Variants in CDH4 observed in about 807,000 individuals in gnomAD.
CDH4 encodes cadherin 4.
In CDH4, 33 loss-of-function variants were observed where a neutral mutation model predicts 86.0. The ratio of observed to expected loss-of-function variants is 0.38; its 90% confidence interval spans 0.29 to 0.51. The LOEUF is 0.51. Ranked by LOEUF, CDH4 falls within the 20% of genes least tolerant of loss-of-function variation. CDH4 has a pLI of 0.86. For missense variants in CDH4, 1,114 were observed against 1,307.4 expected, an observed-to-expected ratio of 0.85 and a Z score of 2.28; for synonymous variants, 555 against 549.4, an observed-to-expected ratio of 1.01 and a Z score of -0.14.
chr20:61,722,760 T>C (rs2088057554), intron 2 of CDH4, among the ~76,000 whole-genome samples: 2 of 151,962 alleles, frequency 1.3e-5, no homozygotes, highest in Admixed American at 1.3e-4. Context: ...AGATACACCC[T>C]GAATTTCCAA....
At chr20:61,823,399 G>A (rs1981156776) in intron 4 of CDH4, among the ~76,000 whole-genome samples, 1 of 151,012 alleles carries the variant, frequency 6.6e-6, no homozygotes, top group Non-Finnish European at 1.5e-5. Flanking sequence ...GAATAATAAT[G>A]TGATGATGAT....
At chr20:61,605,563 C>T (rs1600801133) in intron 2 of CDH4, among the ~76,000 whole-genome samples, 1 of 151,674 alleles carries the variant, frequency 6.6e-6, no homozygotes, top group Non-Finnish European at 1.5e-5. Context: ...CCCTGTTTCT[C>T]CCTCTCTCTG....
chr20:61,605,239 G>A (rs1368550249), intron 2 of CDH4, among the ~76,000 whole-genome samples: 1 of 152,152 alleles, frequency 6.6e-6, no homozygotes, highest in African/African-American at 2.4e-5. Flanking sequence ...TGCCCTCGGG[G>A]TGCAGGGGTG....
chr20:61,671,985 A>T (rs1335491242), intron 2 of CDH4, among the ~76,000 whole-genome samples: 2 of 144,158 alleles, frequency 1.4e-5, no homozygotes, highest in East Asian at 4.9e-4. Context: ...AGATAGATGG[A>T]TGAATAGATG....
chr20:61,462,292 T>C (rs1479721047), intron 2 of CDH4, among the ~76,000 whole-genome samples: 1 of 152,230 alleles, frequency 6.6e-6, no homozygotes, highest in Non-Finnish European at 1.5e-5. Flanking sequence ...ATTTCAGTGG[T>C]ACAAACCCAA....
chr20:61,792,910 A>G (rs1163666856), intron 4 of CDH4, among the ~76,000 whole-genome samples: 1 of 152,082 alleles, frequency 6.6e-6, no homozygotes, highest in African/African-American at 2.4e-5. Context: ...CGGCCTCCCA[A>G]AGTGCTGGGA....
chr20:61,747,610 T>G (rs1360007982), intron 3 of CDH4, among the ~76,000 whole-genome samples: 1 of 152,172 alleles, frequency 6.6e-6, no homozygotes, highest in African/African-American at 2.4e-5. Flanking sequence ...AGTTTGGAAT[T>G]GAAAACTAAA....
intron 2 of CDH4, among the ~76,000 whole-genome samples, chr20:61,441,181 G>A (rs1194955286): frequency 1.3e-5 from 2 of 152,146 alleles, no homozygotes; most frequent in African/African-American, 2.4e-5. Flanking sequence ...GTCCAACACC[G>A]GCCCTGCTGT....
intron 2 of CDH4, among the ~76,000 whole-genome samples, chr20:61,457,945 A>C (rs370598490): frequency 0.026 from 3,374 of 128,154 alleles, 177 homozygotes; most frequent in African/African-American, 0.095. Context: ...CTGTGGTGGT[A>C]ATAGTGGTGA....
chr20:61,565,306 C>G (rs1423803974), intron 2 of CDH4, among the ~76,000 whole-genome samples: 3 of 39,796 alleles, frequency 7.5e-5, no homozygotes, highest in Admixed American at 2.0e-4. Context: ...TGGCGGTGCT[C>G]TTGGTGGTGG....
intron 8 of CDH4, among the ~76,000 whole-genome samples, chr20:61,896,138 G>A (rs979820784): frequency 2.0e-5 from 3 of 152,202 alleles, no homozygotes; most frequent in South Asian, 2.1e-4. Flanking sequence ...GGTGCCCCTC[G>A]GGCACCAGGG....
At chr20:61,588,044 A>T (rs2086491294) in intron 2 of CDH4, among the ~76,000 whole-genome samples, 1 of 152,228 alleles carries the variant, frequency 6.6e-6, no homozygotes, top group South Asian at 2.1e-4. Context: ...GTCCTGGTGC[A>T]GCTGTGCAGA....
intron 2 of CDH4, among the ~76,000 whole-genome samples, chr20:61,308,776 G>A (rs1326894335): frequency 6.6e-6 from 1 of 152,234 alleles, no homozygotes; most frequent in Non-Finnish European, 1.5e-5. Flanking sequence ...AGGCTGAGCA[G>A]GAAGATTTCT....
chr20:61,547,264 G>C (rs927386738), intron 2 of CDH4, among the ~76,000 whole-genome samples: 2 of 137,942 alleles, frequency 1.4e-5, no homozygotes, highest in African/African-American at 5.4e-5. Flanking sequence ...CCAGGCTGGA[G>C]TGCAGTGGCT....
rs2085827520 is a variant in CDH4 at position 61,517,103 on chromosome 20, T to G, written c.170-226460T>G. Among the ~76,000 whole-genome samples, 1 of 152,214 alleles carries G rather than the reference T, an allele frequency of 6.6e-6. No individual in the cohort carries two copies. The highest frequency in any genetic ancestry group is 6.5e-5 in the Admixed American group (1 of 15,282). On this transcript the variant is annotated intron_variant, in intron 2 of 15. Coordinates refer to ENST00000614565, the MANE Select transcript of CDH4 (RefSeq NM_001794.5). The surrounding 1 kb of genome is among the most constrained non-coding windows in gnomAD (Gnocchi z 6.6). Reference sequence around the variant, plus strand: ...CTTCCAGAAAGCTCCCTCAGGCCCCTTGTGGCCACGATCCCTTCACCAAAG... The same window carrying G: ...CTTCCAGAAAGCTCCCTCAGGCCCCGTGTGGCCACGATCCCTTCACCAAAG...
intron 14 of CDH4, 147 bp downstream of exon 14, chr20:61,933,271 T>C (rs2055136550): frequency 9.9e-6 from 10 of 1,010,490 alleles, no homozygotes; most frequent in Non-Finnish European, 1.4e-5. Flanking sequence ...CACGGTTTCC[T>C]AGCCTGGGCT....
chr20:61,486,926 GT>G (rs1939026004), intron 2 of CDH4, among the ~76,000 whole-genome samples: 2 of 152,122 alleles, frequency 1.3e-5, no homozygotes, highest in South Asian at 4.2e-4. Flanking sequence ...AAAAGTTCCA[GT>G]TCCCTGGATA....
intron 2 of CDH4, among the ~76,000 whole-genome samples, chr20:61,493,705 C>A (rs1159633575): frequency 1.3e-5 from 2 of 152,224 alleles, no homozygotes; most frequent in Non-Finnish European, 2.9e-5. Flanking sequence ...TCCTTCCTCT[C>A]CCCTCCTCTC....
At chr20:61,285,081 T>TTTTTTG (rs1555833431) in intron 2 of CDH4, among the ~76,000 whole-genome samples, 25 of 149,456 alleles carry the variant, frequency 1.7e-4, no homozygotes, top group African/African-American at 6.0e-4. Flanking sequence ...TGTTTTTTTT[T>TTTTTTG]TTTGTTTGTT....
Sources: allele counts gnomAD v4.1 joint callset (sites outside exome capture counted in the v4.1 genomes callset), GRCh38; gene constraint gnomAD v4.1.1; non-coding constraint Gnocchi (gnomAD v3.1); transcripts MANE v1.5; gene names NCBI Gene and HGNC (gene_info 2026-07-23, HGNC 2026-07-21).